The following CDK6 variants were observed in gnomAD, a reference collection of about 807,000 sequenced individuals.
CDK6 encodes the protein cyclin-dependent kinase 6.
CDK6 carries 6 observed loss-of-function variants against 37.1 expected under a neutral mutation model. That is an observed-to-expected ratio of 0.16 (90% CI 0.09 to 0.32). The LOEUF (loss-of-function observed/expected upper bound fraction) is 0.32. Ranked by LOEUF, CDK6 falls within the 10% of genes least tolerant of loss-of-function variation. The probability of loss-of-function intolerance (pLI) is 1.00; values close to 1 mark genes in which losing one functional copy is unlikely to be tolerated. For missense variants in CDK6, 224 were observed against 418.9 expected, an observed-to-expected ratio of 0.53 and a Z score of 4.06; for synonymous variants, 160 against 161.3, an observed-to-expected ratio of 0.99 and a Z score of 0.06.
intron 3 of CDK6, among the ~76,000 whole-genome samples, chr7:92,756,076 C>T (rs182769273): frequency 7.5e-4 from 113 of 151,298 alleles, no homozygotes; most frequent in Middle Eastern, 6.8e-3. Flanking sequence ...ACTCAGCTGG[C>T]GGTCACTTAA....
chr7:92,717,852 C>A (rs1009562036), intron 4 of CDK6, among the ~76,000 whole-genome samples: 1 of 152,232 alleles, frequency 6.6e-6, no homozygotes, highest in South Asian at 2.1e-4. Flanking sequence ...GCTTTCTGTG[C>A]AGTATGGAAT....
At chr7:92,773,143 A>G (rs1369197056) in intron 3 of CDK6, among the ~76,000 whole-genome samples, 2 of 152,230 alleles carry the variant, frequency 1.3e-5, no homozygotes, top group African/African-American at 4.8e-5. Context: ...ATTGTGTAAG[A>G]CACTGTCAGG....
At chr7:92,812,526 T>A (rs1017401459) in intron 2 of CDK6, among the ~76,000 whole-genome samples, 2 of 152,030 alleles carry the variant, frequency 1.3e-5, no homozygotes, top group Admixed American at 1.3e-4. Context: ...CAAGCCTTGA[T>A]CTTCCCACCT....
At chr7:92,681,888 A>G (rs1269388245) in intron 4 of CDK6, among the ~76,000 whole-genome samples, 1 of 152,092 alleles carries the variant, frequency 6.6e-6, no homozygotes, top group Non-Finnish European at 1.5e-5. Context: ...TGACCCACAA[A>G]TCCAACTGTC....
At position 92,834,723 on chromosome 7, in the gene CDK6, A is replaced by G. The variant is rs1801601965; in HGVS notation, c.-367-1033T>C. Among the ~76,000 whole-genome samples, 2 of 151,616 alleles carry G rather than the reference A, an allele frequency of 1.3e-5. No individual in the cohort carries two copies. The highest frequency in any genetic ancestry group is 4.8e-5 in the African/African-American group (2 of 41,340). On this transcript the variant is annotated intron_variant, in intron 1 of 7. Coordinates refer to ENST00000424848, the MANE Select transcript of CDK6 (RefSeq NM_001145306.2). This position sits in a 1 kb window ranked among gnomAD's most constrained non-coding sequence, Gnocchi z 4.6. ...TCCTGCGCCTCCAGGGGTGAGAGAG[A>G]AGGTCTCTGTCCTCGGGGCCCGGAC... is the stretch of plus-strand genomic sequence containing the variant.
Position 92,608,459 on chromosome 7 carries a change from T to G in CDK6, c.*6681A>C. 4.3e-6 allele frequency: 1 copy of G among 230,836 alleles called. No homozygotes were observed. Among genetic ancestry groups the G allele is most frequent in the East Asian group, 6.2e-5 (1 of 16,216 alleles). The allele number at this position is 230,836 out of a possible 1,614,324, so 14.3% of individuals were successfully genotyped here. A position where few individuals can be genotyped will look rare whatever the true frequency, so the allele number is the denominator to read the frequency against. The stretch of plus-strand genomic sequence containing the variant: ...AATAAACTTTTCAAAACAAAACTTT[T>G]CCAGGCATATCTTTCACCATCACAT... On this transcript the variant is annotated 3_prime_UTR_variant, in exon 8 of 8. Transcript: ENST00000424848.
At chr7:92,681,933 T>C (rs1797346321) in intron 4 of CDK6, among the ~76,000 whole-genome samples, 1 of 152,148 alleles carries the variant, frequency 6.6e-6, no homozygotes, top group Admixed American at 6.5e-5. Context: ...GCTACCAGTA[T>C]CTCAAATTCA....
At chr7:92,819,395 G>A (rs181786598) in intron 2 of CDK6, among the ~76,000 whole-genome samples, 1 of 152,204 alleles carries the variant, frequency 6.6e-6, no homozygotes, top group African/African-American at 2.4e-5. Context: ...AGAGGGAGGA[G>A]ATTCACTGCA....
intron 2 of CDK6, among the ~76,000 whole-genome samples, chr7:92,805,600 C>T (rs1800703973): frequency 6.6e-6 from 1 of 152,130 alleles, no homozygotes; most frequent in South Asian, 2.1e-4. Flanking sequence ...ACCATGAAGT[C>T]TTGGCATGCA....
intron 5 of CDK6, among the ~76,000 whole-genome samples, chr7:92,647,519 G>C (rs1232144151): frequency 2.0e-5 from 3 of 152,192 alleles, no homozygotes; most frequent in Admixed American, 6.5e-5. Context: ...TATAACTGCT[G>C]CTTCTGCACA....
chr7:92,679,561 A>G (rs1312710957), intron 4 of CDK6, among the ~76,000 whole-genome samples: 2 of 152,164 alleles, frequency 1.3e-5, no homozygotes, highest in Non-Finnish European at 2.9e-5. Context: ...TGTCAAAGTG[A>G]AGGTTTTCTA....
At chr7:92,831,471 G>C (rs1354879561) in intron 2 of CDK6, among the ~76,000 whole-genome samples, 2 of 152,122 alleles carry the variant, frequency 1.3e-5, no homozygotes, top group African/African-American at 2.4e-5. Flanking sequence ...TTCATCCTTC[G>C]GGATGTATTA....
chr7:92,833,590 G>A lies in CDK6; in HGVS notation c.-267C>T. 1.8e-6 allele frequency: 1 copy of A among 546,460 alleles called. No homozygotes were observed. Among genetic ancestry groups the A allele is most frequent in the Non-Finnish European group, 3.2e-6 (1 of 316,412 alleles). The allele number at this position is 546,460 out of a possible 1,614,324, so 33.9% of individuals were successfully genotyped here. On this transcript the variant is annotated 5_prime_UTR_variant, in exon 2 of 8. Coordinates refer to ENST00000424848, the MANE Select transcript of CDK6 (RefSeq NM_001145306.2). The surrounding 1 kb of genome is among the most constrained non-coding windows in gnomAD (Gnocchi z 6.1). ...CGCCGCCGCCGCCGCCGCCGGAGGA[G>A]CGAGCCGATCCCTCCTCTTCCCTCC...
At chr7:92,713,535 A>T (rs1046494553) in intron 4 of CDK6, among the ~76,000 whole-genome samples, 7 of 152,148 alleles carry the variant, frequency 4.6e-5, no homozygotes, top group Non-Finnish European at 1.0e-4. Context: ...TTTAACATTA[A>T]AAGTGGTTAT....
At chr7:92,788,015 G>A (rs573716345) in intron 2 of CDK6, among the ~76,000 whole-genome samples, 290 of 152,248 alleles carry the variant, frequency 1.9e-3, no homozygotes, top group Middle Eastern at 3.4e-3. Context: ...TATATTCTAA[G>A]ATCACCAATG....
At chr7:92,750,706 T>C (rs1799168362) in intron 3 of CDK6, among the ~76,000 whole-genome samples, 1 of 152,202 alleles carries the variant, frequency 6.6e-6, no homozygotes, top group African/African-American at 2.4e-5. Context: ...TGAGACCTGA[T>C]GGAATGACCT....
At chr7:92,804,850 C>T (rs1800683054) in intron 2 of CDK6, among the ~76,000 whole-genome samples, 1 of 152,148 alleles carries the variant, frequency 6.6e-6, no homozygotes, top group Admixed American at 6.5e-5. Context: ...TCTACCGCCC[C>T]AGTTGTGATA....
chr7:92,773,837 G>C (rs1799778709), intron 3 of CDK6, among the ~76,000 whole-genome samples: 1 of 152,134 alleles, frequency 6.6e-6, no homozygotes, highest in Non-Finnish European at 1.5e-5. Context: ...ACTATTTTTA[G>C]CTATTAACTT....
intron 4 of CDK6, among the ~76,000 whole-genome samples, chr7:92,689,161 G>A (rs778300070): frequency 1.3e-5 from 2 of 152,142 alleles, no homozygotes; most frequent in Non-Finnish European, 2.9e-5. Context: ...GTAAACGTGC[G>A]TCACAGGGGT....
Sources: gnomAD v4.1 joint callset for allele counts (sites outside exome capture counted in the v4.1 genomes callset) on GRCh38, gnomAD v4.1.1 for gene constraint, Gnocchi (gnomAD v3.1) non-coding constraint, MANE v1.5 for transcripts, NCBI Gene and HGNC (gene_info 2026-07-23, HGNC 2026-07-21) for gene names.